KAZN: variants seen among roughly 807,000 people sequenced by gnomAD.
The protein encoded by KAZN is kazrin, periplakin interacting protein, also known as kazrin.
Under a neutral mutation model 87.4 loss-of-function variants are expected in KAZN, and 40 were observed. The observed-to-expected ratio is 0.46, with a 90% CI of 0.36 to 0.60. KAZN has a LOEUF of 0.60. Among genes scored for constraint, KAZN ranks in the 20% least tolerant of loss-of-function variants. The probability of loss-of-function intolerance (pLI) is 0.00; values close to 1 mark genes in which losing one functional copy is unlikely to be tolerated. For missense variants in KAZN, 898 were observed against 1,073.9 expected (o/e 0.84, Z 2.29); for synonymous variants, 466 against 458.3 (o/e 1.02, Z -0.22).
At chr1:14,852,907 A>T (rs1240846458) in intron 1 of KAZN, among the ~76,000 whole-genome samples, 1 of 152,190 alleles carries the variant, frequency 6.6e-6, no homozygotes, top group East Asian at 1.9e-4. Flanking sequence ...GACCTGCTGA[A>T]TCCAAATCTG....
At chr1:13,893,410 A>C (rs1638912428) in exon 1 of KAZN, 2 of 417,528 alleles carry the variant, frequency 4.8e-6, no homozygotes, top group Non-Finnish European at 8.2e-6. Flanking sequence ...TTTCTTTTGC[A>C]TGGAACTGCT....
chr1:14,175,718 AAGG>A (rs1469369540), intron 1 of KAZN, among the ~76,000 whole-genome samples: 1 of 152,214 alleles, frequency 6.6e-6, no homozygotes, highest in Non-Finnish European at 1.5e-5. Flanking sequence ...GAACTGGCAT[AAGG>A]AGTTTTGTTA....
At chr1:14,312,546 G>A (rs1349849859) in intron 2 of KAZN, among the ~76,000 whole-genome samples, 2 of 152,132 alleles carry the variant, frequency 1.3e-5, no homozygotes, top group Non-Finnish European at 2.9e-5. Context: ...AGTTAGCCTG[G>A]TGCCTGAGCC....
intron 1 of KAZN, among the ~76,000 whole-genome samples, chr1:14,160,932 ACTTAT>A (rs1223163010): frequency 1.3e-5 from 2 of 152,154 alleles, no homozygotes; most frequent in Non-Finnish European, 2.9e-5. Flanking sequence ...TGATAAGAGG[ACTTAT>A]CTTTGTGGTT....
At chr1:14,796,506 T>C (rs1246517466) in intron 1 of KAZN, among the ~76,000 whole-genome samples, 1 of 152,196 alleles carries the variant, frequency 6.6e-6, no homozygotes, top group Non-Finnish European at 1.5e-5. Context: ...ACATGGTAGG[T>C]GTGCGCTACA....
chr1:14,608,943 A>C (rs2148616674), intron 1 of KAZN, among the ~76,000 whole-genome samples: 1 of 151,946 alleles, frequency 6.6e-6, no homozygotes, highest in African/African-American at 2.4e-5. Context: ...TCTTTTTTTT[A>C]ATCCCCACTC....
intron 2 of KAZN, among the ~76,000 whole-genome samples, chr1:14,362,227 C>T (rs1659580995): frequency 6.6e-6 from 1 of 152,180 alleles, no homozygotes. Flanking sequence ...AAAGGACTCA[C>T]TTCTAAGTTA....
intron 2 of KAZN, among the ~76,000 whole-genome samples, chr1:14,288,347 C>G (rs934506696): frequency 6.6e-6 from 1 of 152,152 alleles, no homozygotes; most frequent in African/African-American, 2.4e-5. Context: ...ATTATTGCCT[C>G]AATTTCAGAG....
rs529292314 is a variant in KAZN at position 15,050,121 on chromosome 1, G to A, written c.726+5962G>A. 3.4e-3 allele frequency among the ~76,000 whole-genome samples: 442 copies of A among 130,746 alleles called. 5 individuals are homozygous for A. Among genetic ancestry groups the A allele is most frequent in the Non-Finnish European group, 5.4e-3 (344 of 64,130 alleles). 85.8% of individuals were successfully genotyped at this position (130,746 alleles called of 152,430 possible). ...TAGAGTAGAGTAGAGTAGAGTAGTA[G>A]AGTAGGTCTCCATCTCAATAGAATA... On this transcript the variant is annotated intron_variant, in intron 4 of 14. Transcript: ENST00000376030.
intron 1 of KAZN, among the ~76,000 whole-genome samples, chr1:14,651,702 C>T: frequency 6.6e-6 from 1 of 152,106 alleles, no homozygotes; most frequent in East Asian, 1.9e-4. Context: ...TTTTTCCCCC[C>T]ACGAGAATAA....
intron 1 of KAZN, among the ~76,000 whole-genome samples, chr1:14,842,068 T>A (rs895297366): frequency 3.9e-5 from 6 of 152,214 alleles, no homozygotes; most frequent in African/African-American, 9.6e-5. Context: ...CAGCACTTCT[T>A]GTCCCCCTCC....
Position 14,465,933 on chromosome 1 carries a change from A to T in KAZN, c.250-133050A>T, listed in dbSNP as rs144297342. ...TGTATTTTTTCTGCACCTTTTCTAT[A>T]TTTAGGTATGTTTAGGTACACACAA... On this transcript the variant is annotated intron_variant, in intron 2 of 16. Coordinates refer to the KAZN transcript ENST00000636203. 1.4e-4 allele frequency among the ~76,000 whole-genome samples: 21 copies of T among 152,246 alleles called. No homozygotes were observed. In the East Asian group the frequency reaches 3.9e-3, roughly 28 times the overall value.
At chr1:13,938,509 T>TTTTA (rs200673056) in intron 1 of KAZN, among the ~76,000 whole-genome samples, 2 of 152,290 alleles carry the variant, frequency 1.3e-5, no homozygotes, top group African/African-American at 4.8e-5. Flanking sequence ...TTTGGATGCT[T>TTTTA]TTTATTTATT....
At chr1:13,947,700 T>C (rs1641198320) in intron 1 of KAZN, among the ~76,000 whole-genome samples, 1 of 152,188 alleles carries the variant, frequency 6.6e-6, no homozygotes, top group Admixed American at 6.5e-5. Context: ...GCTGGAAGTC[T>C]CAGGTCAAGG....
At chr1:14,775,268 T>A (rs904260410) in intron 1 of KAZN, among the ~76,000 whole-genome samples, 1 of 152,252 alleles carries the variant, frequency 6.6e-6, no homozygotes, top group African/African-American at 2.4e-5. Context: ...TGTGTCTTTG[T>A]TTCCAACACA....
Position 14,133,373 on chromosome 1 carries a change from AAAAAAAAGAAAGAAAG to A in KAZN, c.92-47058_92-47043del, listed in dbSNP as rs1405070737. On this transcript the variant is annotated intron_variant, in intron 1 of 16. Transcript: ENST00000636203. The stretch of plus-strand genomic sequence containing the variant: ...AGAGTGAGACTCCCTCTCAAAAAAA[AAAAAAAAGAAAGAAAG>A]AAAGAAAGAAAGAAAGAAAGAAAGA... Among the ~76,000 whole-genome samples the A allele has an allele frequency of 5.2e-4, 38 of 72,976 alleles. 3 individuals are homozygous for A. The East Asian group carries it at 8.4e-3, about 16-fold the overall frequency. 47.9% of individuals were successfully genotyped at this position (72,976 alleles called of 152,430 possible). A position where few individuals can be genotyped will look rare whatever the true frequency, so the allele number is the denominator to read the frequency against.
chr1:14,139,821 AG>A (rs1557507814), intron 1 of KAZN, among the ~76,000 whole-genome samples: 1 of 151,998 alleles, frequency 6.6e-6, no homozygotes, highest in Non-Finnish European at 1.5e-5. Flanking sequence ...TGAAAGGATC[AG>A]GTCAGATTTT....
intron 2 of KAZN, among the ~76,000 whole-genome samples, chr1:14,345,598 C>T (rs1658049878): frequency 6.6e-6 from 1 of 152,156 alleles, no homozygotes; most frequent in Non-Finnish European, 1.5e-5. Context: ...CAGCTCAGTG[C>T]ACACCAGCCC....
intron 1 of KAZN, among the ~76,000 whole-genome samples, chr1:14,635,692 G>A (rs1350426369): frequency 1.3e-5 from 2 of 152,182 alleles, no homozygotes; most frequent in East Asian, 3.9e-4. Flanking sequence ...CGTGCTTCAG[G>A]TATAGCGATC....
Sources: gnomAD v4.1 joint callset for allele counts (sites outside exome capture counted in the v4.1 genomes callset) on GRCh38, gnomAD v4.1.1 for gene constraint, MANE v1.5 for transcripts, NCBI Gene and HGNC (gene_info 2026-07-23, HGNC 2026-07-21) for gene names.